The following NPHP3 variants were observed in gnomAD, a reference collection of about 807,000 sequenced individuals.
NPHP3 encodes nephrocystin-3.
NPHP3 carries 123 observed loss-of-function variants against 171.9 expected under a neutral mutation model. That is an observed-to-expected ratio of 0.72 (90% CI 0.62 to 0.83). The LOEUF (loss-of-function observed/expected upper bound fraction) is 0.83, where lower values mean the gene tolerates loss of function less well. NPHP3 is among the 40% of genes least tolerant of loss of function. The pLI, the probability that NPHP3 is intolerant of heterozygous loss-of-function variation, is 0.00. For missense variants in NPHP3, 1,506 were observed against 1,591.9 expected, an observed-to-expected ratio of 0.95 and a Z score of 0.92; for synonymous variants, 558 against 579.2, an observed-to-expected ratio of 0.96 and a Z score of 0.52.
chr3:132,697,986 T>G (rs954915553), intron 13 of NPHP3, among the ~76,000 whole-genome samples: 1 of 142,996 alleles, frequency 7.0e-6, no homozygotes, highest in African/African-American at 2.5e-5. Flanking sequence ...ATTGCTCTAC[T>G]TTTTTTTTTT....
At chr3:132,695,244 GTTC>G (rs1939423096) in intron 15 of NPHP3, 1 of 341,400 alleles carries the variant, frequency 2.9e-6, no homozygotes, top group Admixed American at 4.5e-5. Context: ...GTCAGACACG[GTTC>G]TTATTATCCA....
chr3:132,681,645 A>G lies in NPHP3; in HGVS notation c.*265T>C, dbSNP rs1275272759. The G allele has an allele frequency of 2.3e-6, 1 of 427,456 alleles. No individual in the cohort carries two copies. Among genetic ancestry groups the G allele is most frequent in the African/African-American group, 2.0e-5 (1 of 49,556 alleles). The allele number at this position is 427,456 out of a possible 1,614,324, so 26.5% of individuals were successfully genotyped here. A position where few individuals can be genotyped will look rare whatever the true frequency, so the allele number is the denominator to read the frequency against. ...TTGAACAAAGACCAATCCGCTCTTC[A>G]TGATTTGCTCCTCATGTCTTCTTAT... On this transcript the variant is annotated 3_prime_UTR_variant, in exon 27 of 27. Transcript: ENST00000337331.
chr3:132,687,963 T>G (rs57252488), intron 21 of NPHP3, among the ~76,000 whole-genome samples: 7 of 152,212 alleles, frequency 4.6e-5, no homozygotes, highest in Admixed American at 4.6e-4. Flanking sequence ...ATGAAAAAAA[T>G]TTGGCTGTGT....
At chr3:132,698,553 A>C (rs1939518953) in intron 13 of NPHP3, among the ~76,000 whole-genome samples, 1 of 152,170 alleles carries the variant, frequency 6.6e-6, no homozygotes. Flanking sequence ...CTGGGATTAC[A>C]GATGTGAGCT....
intron 6 of NPHP3, among the ~76,000 whole-genome samples, chr3:132,711,081 A>C (rs560239952): frequency 6.6e-6 from 1 of 152,222 alleles, no homozygotes; most frequent in African/African-American, 2.4e-5. Context: ...TATTGACAGG[A>C]AAGTGTTTCC....
intron 15 of NPHP3, 153 bp from the exon 16 acceptor site, chr3:132,695,118 G>C (rs377308683): frequency 1.5e-6 from 1 of 682,756 alleles, no homozygotes. Context: ...TAGTTTTATG[G>C]GGCTGCTAGA....
Position 132,719,735 on chromosome 3 carries a change from A to G in NPHP3, c.489T>C (p.His163=), listed in dbSNP as rs761815063. Reference sequence around the variant, plus strand: ...ATTGCCTTTTAACTTTATCTCTGTCATGTTCAAATGTTGCTGCTCTCTCCA... The same window carrying G: ...ATTGCCTTTTAACTTTATCTCTGTCGTGTTCAAATGTTGCTGCTCTCTCCA... ...QAMERAATFE[H]DRDKVKRQFK... Residue 163 remains histidine, a synonymous_variant, in exon 2 of 27, where the codon CAT becomes CAC. Coordinates refer to ENST00000337331, the MANE Select transcript of NPHP3 (RefSeq NM_153240.5). The G allele has an allele frequency of 5.7e-6, 9 of 1,572,840 alleles. No homozygotes were observed. Among genetic ancestry groups the G allele is most frequent in the Non-Finnish European group, 7.8e-6 (9 of 1,156,120 alleles).
intron 6 of NPHP3, among the ~76,000 whole-genome samples, chr3:132,710,701 T>C (rs1939884967): frequency 6.6e-6 from 1 of 152,200 alleles, no homozygotes; most frequent in South Asian, 2.1e-4. Flanking sequence ...CATTCTTCGT[T>C]GTAGGAGATT....
chr3:132,699,901 C>G lies in NPHP3; in HGVS notation c.1887+17G>C. ...TCTTTCTGAGCATATCAATAGGTAA[C>G]AAATGGAAAACGGTACCTGAACTTG... On this transcript the variant is annotated intron_variant, in intron 12 of 26. Coordinates refer to ENST00000337331, the MANE Select transcript of NPHP3 (RefSeq NM_153240.5). The G allele has an allele frequency of 6.2e-7, 1 of 1,613,670 alleles. No homozygotes were observed. Among genetic ancestry groups the G allele is most frequent in the East Asian group, 2.2e-5 (1 of 44,858 alleles).
intron 6 of NPHP3, among the ~76,000 whole-genome samples, chr3:132,708,866 C>G (rs976439062): frequency 1.3e-5 from 2 of 152,154 alleles, no homozygotes; most frequent in Non-Finnish European, 2.9e-5. Context: ...ATAAAGGTTT[C>G]AAAATGAGGA....
intron 5 of NPHP3, among the ~76,000 whole-genome samples, chr3:132,713,692 C>T (rs562619856): frequency 8.2e-4 from 124 of 152,018 alleles, no homozygotes; most frequent in Non-Finnish European, 1.6e-3. Flanking sequence ...TATCAGAACG[C>T]TAAAGCAGAG....
chr3:132,681,768 A>G lies in NPHP3; in HGVS notation c.*142T>C. On this transcript the variant is annotated 3_prime_UTR_variant, in exon 27 of 27. Transcript: ENST00000337331. ...TCACAATTCCAACTTAATGTAATCC[A>G]ATACAACTTCATACAAATAGCAGTT... 2.7e-6 allele frequency: 2 copies of G among 739,978 alleles called. No individual in the cohort carries two copies. Among genetic ancestry groups the G allele is most frequent in the Non-Finnish European group, 4.7e-6 (2 of 423,778 alleles). 45.8% of individuals were successfully genotyped at this position (739,978 alleles called of 1,614,324 possible).
chr3:132,685,093 T>G, intron 23 of NPHP3: 1 of 321,256 alleles, frequency 3.1e-6, no homozygotes, highest in Admixed American at 4.4e-5. Context: ...TAGACCTAGG[T>G]CCAATAAAAG....
chr3:132,711,017 G>A (rs557795021), intron 6 of NPHP3, among the ~76,000 whole-genome samples: 49 of 152,356 alleles, frequency 3.2e-4, no homozygotes, highest in Admixed American at 1.8e-3. Context: ...TGAGAAGCCA[G>A]TGAACACTAT....
At chr3:132,700,504 A>G in intron 10 of NPHP3, 56 bp from the exon 11 acceptor site, 2 of 1,079,462 alleles carry the variant, frequency 1.9e-6, no homozygotes, top group Non-Finnish European at 2.8e-6. Context: ...GACTGTCAAT[A>G]AAAAAAGAAT....
Position 132,719,028 on chromosome 3 carries a change from C to T in NPHP3, c.636G>A (p.Glu212=), listed in dbSNP as rs907576559. The T allele has an allele frequency of 5.6e-6, 9 of 1,614,010 alleles. No homozygotes were observed. The highest frequency in any genetic ancestry group is 1.7e-5 in the Admixed American group (1 of 60,008). The change falls in exon 3 of 27, where the codon GAG becomes GAA. Residue 212 remains glutamate, a synonymous_variant. Transcript: ENST00000337331. ...CTGTACAGTTGTCATCTGAATCAGACTCCCCAGGATCAAATACTTGGATAC... is the reference window on the plus strand; with the variant it reads ...CTGTACAGTTGTCATCTGAATCAGATTCCCCAGGATCAAATACTTGGATAC... ...AQGIQVFDPG[E]SDSDDNCTDV...
At chr3:132,720,550 A>C (rs1413798460) in intron 1 of NPHP3, among the ~76,000 whole-genome samples, 1 of 152,162 alleles carries the variant, frequency 6.6e-6, no homozygotes, top group Non-Finnish European at 1.5e-5. Context: ...AAGTGCATTA[A>C]GGTTGCCCAG....
chr3:132,719,797 C>T lies in NPHP3; in HGVS notation c.427G>A (p.Glu143Lys). The T allele has an allele frequency of 6.3e-7, 1 of 1,599,054 alleles. No homozygotes were observed. Among genetic ancestry groups the T allele is most frequent in the South Asian group, 1.1e-5 (1 of 88,802 alleles). Residue 143 changes from glutamate to lysine, a missense_variant, in exon 2 of 27, where the codon GAA (glutamate) becomes AAA (lysine). By Grantham distance (56) the Glu-to-Lys change is moderately conservative. Transcript: ENST00000337331. ...LQKTYQKILR[E>K]KESALEAKYQ... The stretch of plus-strand genomic sequence containing the variant: ...TTCGCTTCTAAAGCACTTTCTTTTT[C>T]TCGAAGTATCTTCTGATACGTTTTT...
Position 132,699,873 on chromosome 3 carries a change from A to G in NPHP3, c.1887+45T>C, listed in dbSNP as rs1939560110. Reference sequence around the variant, plus strand: ...CTGCTCTAGCTATTACTGAATTTACATCTCTTTCTGAGCATATCAATAGGT... The same window carrying G: ...CTGCTCTAGCTATTACTGAATTTACGTCTCTTTCTGAGCATATCAATAGGT... On this transcript the variant is annotated intron_variant, in intron 12 of 26. Transcript: ENST00000337331. 4.4e-6 allele frequency: 7 copies of G among 1,597,300 alleles called. No homozygotes were observed. The East Asian group carries it at 8.9e-5, about 20-fold the overall frequency.
Sources: gnomAD v4.1 joint callset for allele counts (sites outside exome capture counted in the v4.1 genomes callset) on GRCh38, gnomAD v4.1.1 for gene constraint, MANE v1.5 for transcripts, NCBI Gene and HGNC (gene_info 2026-07-23, HGNC 2026-07-21) for gene names.